Variants in CALN1 observed in about 807,000 individuals in gnomAD.
CALN1 encodes calcium-binding protein 8.
CALN1 carries 17 observed loss-of-function variants against 30.6 expected under a neutral mutation model. The ratio of observed to expected loss-of-function variants is 0.56; its 90% CI spans 0.38 to 0.83. The LOEUF (loss-of-function observed/expected upper bound fraction) is 0.83, where lower values mean the gene tolerates loss of function less well. CALN1 is among the 40% of genes least tolerant of loss of function. The pLI is 0.00. For synonymous variants in CALN1, 156 were observed against 131.4 expected, an observed-to-expected ratio of 1.19 and a Z score of -1.28; for missense variants, 291 against 354.9, an observed-to-expected ratio of 0.82 and a Z score of 1.45.
intron 3 of CALN1, among the ~76,000 whole-genome samples, chr7:72,206,110 T>G (rs1032922425): frequency 1.8e-4 from 28 of 152,208 alleles, no homozygotes; most frequent in Admixed American, 7.9e-4. Context: ...CCATTTTGTT[T>G]TTGTTTTTTG....
intron 5 of CALN1, among the ~76,000 whole-genome samples, chr7:71,925,041 G>A (rs1412777395): frequency 6.6e-6 from 1 of 152,172 alleles, no homozygotes; most frequent in Admixed American, 6.5e-5. Flanking sequence ...AGGAGTTTGA[G>A]AGCAGCCTGA....
chr7:72,373,202 GAAC>G (rs748741803), intron 2 of CALN1, among the ~76,000 whole-genome samples: 84 of 152,102 alleles, frequency 5.5e-4, no homozygotes, highest in Middle Eastern at 3.4e-3. Context: ...CACGCAATCT[GAAC>G]AACACAGGAA....
intron 5 of CALN1, among the ~76,000 whole-genome samples, chr7:71,893,437 A>G (rs1793363444): frequency 6.6e-6 from 1 of 152,188 alleles, no homozygotes; most frequent in South Asian, 2.1e-4. Context: ...CTGTAATCCC[A>G]GCACTTTGGG....
At chr7:71,960,421 G>C (rs1000222957) in intron 5 of CALN1, among the ~76,000 whole-genome samples, 2 of 152,138 alleles carry the variant, frequency 1.3e-5, no homozygotes. Context: ...GTGAGAACAT[G>C]TGGTATTTGA....
At chr7:72,234,361 T>C (rs1461601936) in intron 3 of CALN1, among the ~76,000 whole-genome samples, 1 of 152,210 alleles carries the variant, frequency 6.6e-6, no homozygotes, top group Non-Finnish European at 1.5e-5. Flanking sequence ...ATGAGGCCAT[T>C]AGTTAGGGTG....
chr7:72,366,252 C>T (rs986377020), intron 2 of CALN1, among the ~76,000 whole-genome samples: 5 of 152,150 alleles, frequency 3.3e-5, no homozygotes, highest in African/African-American at 1.2e-4. Flanking sequence ...CAGCTCAATG[C>T]AACCTCCACC....
chr7:72,027,554 T>C (rs1801143359), intron 4 of CALN1, among the ~76,000 whole-genome samples: 1 of 150,422 alleles, frequency 6.6e-6, no homozygotes, highest in African/African-American at 2.4e-5. Flanking sequence ...CTACTAAAAA[T>C]ACAAAAATTA....
chr7:72,278,008 C>CAGG (rs1554348562), intron 3 of CALN1, among the ~76,000 whole-genome samples: 19 of 49,108 alleles, frequency 3.9e-4, no homozygotes, highest in Non-Finnish European at 6.6e-4. Flanking sequence ...TCCTCTATTC[C>CAGG]GGGGGGGGGG....
At chr7:72,055,303 A>G (rs1050868191) in intron 4 of CALN1, among the ~76,000 whole-genome samples, 7 of 152,220 alleles carry the variant, frequency 4.6e-5, no homozygotes, top group African/African-American at 1.7e-4. Flanking sequence ...ATTTTAACCA[A>G]GCTGGTAAAG....
chr7:71,890,182 G>A (rs1793160290), intron 5 of CALN1, among the ~76,000 whole-genome samples: 1 of 152,136 alleles, frequency 6.6e-6, no homozygotes, highest in Non-Finnish European at 1.5e-5. Flanking sequence ...ATAGCTCTCT[G>A]CAGCCTCAAA....
In CALN1 at chr7:71,908,900, G is replaced by A. The variant is rs148812265; in HGVS notation, c.502-98408C>T. Among the ~76,000 whole-genome samples the A allele has an allele frequency of 3.1e-3, 472 of 152,288 alleles. 4 individuals are homozygous for A. Among genetic ancestry groups the A allele is most frequent in the South Asian group, 0.014 (69 of 4,828 alleles). ...TTCTATCCAGGGATGTCCTTTCAGGGATCCAGGGACGTCCTTTCAGGGATC... is the reference window on the plus strand; with the variant it reads ...TTCTATCCAGGGATGTCCTTTCAGGAATCCAGGGACGTCCTTTCAGGGATC... On this transcript the variant is annotated intron_variant, in intron 5 of 6. Coordinates refer to ENST00000395275, the MANE Select transcript of CALN1 (RefSeq NM_031468.4).
At chr7:72,496,873 A>T in the CALN1 span, among the ~76,000 whole-genome samples, 1 of 152,168 alleles carries the variant, frequency 6.6e-6, no homozygotes, top group Non-Finnish European at 1.5e-5. Flanking sequence ...AGCAAGACTT[A>T]TTAAGCTAAA....
At chr7:72,314,435 T>C (rs914161404) in intron 2 of CALN1, among the ~76,000 whole-genome samples, 3 of 134,868 alleles carry the variant, frequency 2.2e-5, no homozygotes, top group Non-Finnish European at 4.6e-5. Flanking sequence ...ACATAGATTT[T>C]TTTTTTTTGA....
intron 1 of CALN1, among the ~76,000 whole-genome samples, chr7:72,430,101 G>A (rs965277714): frequency 1.3e-5 from 2 of 151,064 alleles, no homozygotes; most frequent in East Asian, 1.9e-4. Context: ...GATTACAGGT[G>A]TGAGCCACCG....
intron 2 of CALN1, among the ~76,000 whole-genome samples, chr7:72,343,465 C>T (rs1285333498): frequency 6.6e-6 from 1 of 151,810 alleles, no homozygotes; most frequent in African/African-American, 2.4e-5. Context: ...GGAGAATTGC[C>T]TGAACCCAGG....
chr7:71,896,276 T>C (rs726469), intron 5 of CALN1, among the ~76,000 whole-genome samples: 40,340 of 152,130 alleles, frequency 0.27, 6,410 homozygotes, highest in African/African-American at 0.44. Context: ...TCTGACTATC[T>C]GTGACTACAT....
At chr7:71,964,275 C>T (rs578223314) in intron 5 of CALN1, among the ~76,000 whole-genome samples, 2 of 152,188 alleles carry the variant, frequency 1.3e-5, no homozygotes, top group African/African-American at 2.4e-5. Flanking sequence ...GTGTAGGGGT[C>T]GTGGGGAGCA....
chr7:71,920,447 C>T lies in CALN1; in HGVS notation c.501+103210G>A, dbSNP rs533405683. ...GCCTCCCAGATTCACACCATTCTCT[C>T]GCCTCAGCTTCCCGAGTAGCTGAGA... On this transcript the variant is annotated intron_variant, in intron 5 of 6. Transcript: ENST00000395275. Among the ~76,000 whole-genome samples the T allele has an allele frequency of 5.7e-4, 85 of 149,670 alleles. 1 individual carries two copies. The South Asian group carries it at 0.016, about 29-fold the overall frequency.
At chr7:72,102,387 G>C (rs1481951422) in intron 4 of CALN1, among the ~76,000 whole-genome samples, 1 of 152,204 alleles carries the variant, frequency 6.6e-6, no homozygotes, top group East Asian at 1.9e-4. Flanking sequence ...GGAGGTTGCA[G>C]TGAGCCAAGA....
Sources: gnomAD v4.1 joint callset for allele counts (sites outside exome capture counted in the v4.1 genomes callset) on GRCh38, gnomAD v4.1.1 for gene constraint, MANE v1.5 for transcripts, NCBI Gene and HGNC (gene_info 2026-07-23, HGNC 2026-07-21) for gene names.